The following RNLS variants were observed in gnomAD, a reference collection of about 807,000 sequenced individuals.
RNLS encodes renalase.
In RNLS, 39 loss-of-function variants were observed where a neutral mutation model predicts 39.8. The observed-to-expected ratio is 0.98, with a 90% CI of 0.76 to 1.28. The LOEUF is 1.28. Ranked by LOEUF, RNLS falls within the 50% of genes most tolerant of loss-of-function variation. The pLI, the probability that RNLS is intolerant of heterozygous loss-of-function variation, is 0.00. For synonymous variants in RNLS, 147 were observed against 150.7 expected (o/e 0.98, Z 0.18); for missense variants, 410 against 413.3 (o/e 0.99, Z 0.07).
intron 4 of RNLS, among the ~76,000 whole-genome samples, chr10:88,477,234 GAAAGTGC>G (rs1302369817): frequency 2.6e-5 from 4 of 151,606 alleles, no homozygotes; most frequent in African/African-American, 9.7e-5. Context: ...GCCCTATGGA[GAAAGTGC>G]AAAGTGCTGA....
intron 4 of RNLS, among the ~76,000 whole-genome samples, chr10:88,486,655 A>G (rs1844544728): frequency 6.6e-6 from 1 of 152,186 alleles, no homozygotes; most frequent in Non-Finnish European, 1.5e-5. Context: ...CAAAACCACA[A>G]TGAGATACTG....
chr10:88,188,273 C>A, the RNLS span, among the ~76,000 whole-genome samples: 1 of 152,084 alleles, frequency 6.6e-6, no homozygotes, highest in East Asian at 1.9e-4. Context: ...GCCAGGCTAG[C>A]CTCAAACTCC....
At chr10:88,220,497 C>T in the RNLS span, among the ~76,000 whole-genome samples, 1 of 152,212 alleles carries the variant, frequency 6.6e-6, no homozygotes. Context: ...TAAATGACAT[C>T]TGAGAAGCCA....
chr10:88,266,449 C>G, the RNLS span, among the ~76,000 whole-genome samples: 2 of 152,106 alleles, frequency 1.3e-5, no homozygotes, highest in African/African-American at 4.8e-5. Context: ...GGCTTTTCCC[C>G]CTTTACAACT....
At chr10:88,458,408 T>G (rs970130351) in intron 4 of RNLS, among the ~76,000 whole-genome samples, 3 of 152,160 alleles carry the variant, frequency 2.0e-5, no homozygotes, top group Non-Finnish European at 4.4e-5. Context: ...CTTTGCTTCT[T>G]TCCCATCCCT....
the RNLS span, among the ~76,000 whole-genome samples, chr10:88,264,853 A>G: frequency 6.6e-6 from 1 of 151,932 alleles, no homozygotes; most frequent in African/African-American, 2.4e-5. Context: ...AGTTCCATCT[A>G]TTTATCTTTG....
chr10:88,407,158 C>T (rs186226977), intron 4 of RNLS, among the ~76,000 whole-genome samples: 2 of 152,152 alleles, frequency 1.3e-5, no homozygotes, highest in Admixed American at 1.3e-4. Context: ...AGAACTTACT[C>T]ATGTAACCAA....
At chr10:88,485,418 T>G (rs908280960) in intron 4 of RNLS, among the ~76,000 whole-genome samples, 1 of 151,802 alleles carries the variant, frequency 6.6e-6, no homozygotes, top group African/African-American at 2.4e-5. Flanking sequence ...AATATGAACT[T>G]TGAGCCATAC....
At chr10:88,556,149 A>C (rs1192103955) in intron 4 of RNLS, among the ~76,000 whole-genome samples, 1 of 151,950 alleles carries the variant, frequency 6.6e-6, no homozygotes, top group Non-Finnish European at 1.5e-5. Context: ...GTAGAAGACA[A>C]CTCTGTTTTT....
chr10:88,397,100 A>G (rs994128783), intron 4 of RNLS, among the ~76,000 whole-genome samples: 8 of 151,988 alleles, frequency 5.3e-5, no homozygotes, highest in African/African-American at 1.7e-4. Flanking sequence ...CTTGAACAAC[A>G]CTATAAACCA....
At chr10:88,546,433 G>T (rs1319278643) in intron 4 of RNLS, among the ~76,000 whole-genome samples, 1 of 151,998 alleles carries the variant, frequency 6.6e-6, no homozygotes, top group African/African-American at 2.4e-5. Flanking sequence ...AAATAATGGT[G>T]ACTCTTAAAA....
chr10:88,330,578 A>C (rs1008414074), intron 5 of RNLS, among the ~76,000 whole-genome samples: 1 of 152,178 alleles, frequency 6.6e-6, no homozygotes, highest in Non-Finnish European at 1.5e-5. Context: ...TCTGGTTGGT[A>C]CAATAAGATA....
chr10:88,452,318 A>G (rs1259916562), intron 4 of RNLS, among the ~76,000 whole-genome samples: 2 of 152,218 alleles, frequency 1.3e-5, no homozygotes, highest in African/African-American at 2.4e-5. Flanking sequence ...TGCCTAGTAC[A>G]CTTTGAAGGC....
intron 4 of RNLS, among the ~76,000 whole-genome samples, chr10:88,478,997 C>A (rs1843992249): frequency 6.6e-6 from 1 of 151,894 alleles, no homozygotes; most frequent in Non-Finnish European, 1.5e-5. Flanking sequence ...TAACTAGGTA[C>A]TATTTCTTCA....
intron 6 of RNLS, among the ~76,000 whole-genome samples, chr10:88,286,628 GTC>G (rs1343549357): frequency 6.6e-6 from 1 of 151,918 alleles, no homozygotes; most frequent in African/African-American, 2.4e-5. Flanking sequence ...GACAGTTCTA[GTC>G]TCTCTTATAC....
At chr10:88,384,684 T>C (rs1851758866) in intron 4 of RNLS, among the ~76,000 whole-genome samples, 1 of 152,210 alleles carries the variant, frequency 6.6e-6, no homozygotes, top group African/African-American at 2.4e-5. Context: ...TGGAAGTTCA[T>C]TTTTAGTAAA....
chr10:88,340,788 G>A (rs1056522602), intron 5 of RNLS, among the ~76,000 whole-genome samples: 2 of 152,096 alleles, frequency 1.3e-5, no homozygotes, highest in Non-Finnish European at 2.9e-5. Context: ...GAGGCTGGGT[G>A]CGGTGGCTCT....
At chr10:88,349,198 A>G (rs1051190377) in intron 5 of RNLS, among the ~76,000 whole-genome samples, 3 of 152,180 alleles carry the variant, frequency 2.0e-5, no homozygotes, top group Admixed American at 6.5e-5. Context: ...AGTATATTCC[A>G]TAAGATGTAT....
downstream of RNLS, among the ~76,000 whole-genome samples, chr10:88,282,781 AT>A (rs1234065558): frequency 6.6e-6 from 1 of 152,106 alleles, no homozygotes; most frequent in East Asian, 1.9e-4. Flanking sequence ...CACTGCTATA[AT>A]TTGTCACCCT....
Sources: allele counts gnomAD v4.1 joint callset (sites outside exome capture counted in the v4.1 genomes callset), GRCh38; gene constraint gnomAD v4.1.1; transcripts MANE v1.5; gene names NCBI Gene and HGNC (gene_info 2026-07-23, HGNC 2026-07-21).